KCNN3: variants seen among roughly 807,000 people sequenced by gnomAD.
KCNN3 encodes small conductance calcium-activated potassium channel protein 3.
In KCNN3, 16 loss-of-function variants were observed where a neutral mutation model predicts 62.9. The ratio of observed to expected loss-of-function variants is 0.25; its 90% CI spans 0.17 to 0.39. The LOEUF (loss-of-function observed/expected upper bound fraction) is 0.39, where lower values mean the gene tolerates loss of function less well. Among genes scored for constraint, KCNN3 ranks in the 10% least tolerant of loss-of-function variants. The probability of loss-of-function intolerance (pLI) is 1.00; values close to 1 mark genes in which losing one functional copy is unlikely to be tolerated. For missense variants in KCNN3, 599 were observed against 949.4 expected (o/e 0.63, Z 4.85); for synonymous variants, 370 against 389.2 (o/e 0.95, Z 0.58).
chr1:154,807,443 G>A (rs1008521216), intron 2 of KCNN3, among the ~76,000 whole-genome samples: 3 of 152,152 alleles, frequency 2.0e-5, no homozygotes, highest in Non-Finnish European at 4.4e-5. Context: ...CACAAAGTCG[G>A]CTTTGGGTGA....
At chr1:154,793,062 C>G (rs1287395229) in intron 2 of KCNN3, among the ~76,000 whole-genome samples, 1 of 152,186 alleles carries the variant, frequency 6.6e-6, no homozygotes, top group Non-Finnish European at 1.5e-5. Flanking sequence ...GGAATATTCT[C>G]ACCACAAACA....
chr1:154,752,407 A>G (rs1647422230), intron 3 of KCNN3, among the ~76,000 whole-genome samples: 1 of 152,042 alleles, frequency 6.6e-6, no homozygotes, highest in South Asian at 2.1e-4. Flanking sequence ...GAAGGAAGGA[A>G]GGAGTGATGT....
intron 1 of KCNN3, among the ~76,000 whole-genome samples, chr1:154,839,648 C>A (rs900968279): frequency 6.6e-6 from 1 of 152,194 alleles, no homozygotes; most frequent in Non-Finnish European, 1.5e-5. Context: ...CTCAGACCCC[C>A]GCTCAGCTCT....
At chr1:154,815,613 T>C (rs1205358405) in intron 2 of KCNN3, among the ~76,000 whole-genome samples, 1 of 152,226 alleles carries the variant, frequency 6.6e-6, no homozygotes, top group African/African-American at 2.4e-5. Flanking sequence ...TAGCACAAAG[T>C]AGTCCTACAA....
chr1:154,775,806 G>A (rs939981224), intron 2 of KCNN3, among the ~76,000 whole-genome samples: 1 of 152,172 alleles, frequency 6.6e-6, no homozygotes, highest in Admixed American at 6.5e-5. Context: ...CTGCTCAAAG[G>A]GTTCCCTCTG....
chr1:154,859,774 A>G, intron 1 of KCNN3: 5 of 1,614,178 alleles, frequency 3.1e-6, no homozygotes, highest in Non-Finnish European at 4.2e-6. Context: ...CAGGCCTGGT[A>G]TCAGCAAGCT....
intron 5 of KCNN3, among the ~76,000 whole-genome samples, chr1:154,724,918 G>A (rs141876821): frequency 4.6e-5 from 7 of 151,208 alleles, no homozygotes; most frequent in African/African-American, 1.5e-4. Flanking sequence ...GTGCAGTGGC[G>A]CGATCTCGGT....
intron 7 of KCNN3, among the ~76,000 whole-genome samples, chr1:154,709,176 T>C (rs1400933001): frequency 6.6e-6 from 1 of 152,176 alleles, no homozygotes; most frequent in Admixed American, 6.5e-5. Flanking sequence ...GGCCCCCTTG[T>C]TGGTCTGCAG....
intron 1 of KCNN3, among the ~76,000 whole-genome samples, chr1:154,832,055 C>T (rs1302211757): frequency 2.6e-5 from 4 of 152,040 alleles, no homozygotes; most frequent in Non-Finnish European, 5.9e-5. Flanking sequence ...GGCAGCCCGG[C>T]CCACCCTGCT....
chr1:154,718,921 C>T (rs1700287418), intron 5 of KCNN3, among the ~76,000 whole-genome samples: 1 of 152,152 alleles, frequency 6.6e-6, no homozygotes, highest in Admixed American at 6.5e-5. Context: ...GCTTCCTTCC[C>T]TCTAACTTCC....
chr1:154,850,979 GTTTGTTTGC>G (rs1652277597), intron 1 of KCNN3, among the ~76,000 whole-genome samples: 1 of 152,074 alleles, frequency 6.6e-6, no homozygotes, highest in East Asian at 1.9e-4. Context: ...TTGTTTGTTT[GTTTGTTTGC>G]TTTGTTTGAG....
At chr1:154,835,489 A>T (rs971397607) in intron 1 of KCNN3, among the ~76,000 whole-genome samples, 5 of 152,330 alleles carry the variant, frequency 3.3e-5, no homozygotes, top group Admixed American at 2.0e-4. Context: ...ATGGGCAGAC[A>T]TCATTCTGCT....
chr1:154,796,326 G>A (rs959657397), intron 2 of KCNN3, among the ~76,000 whole-genome samples: 2 of 152,020 alleles, frequency 1.3e-5, no homozygotes, highest in Non-Finnish European at 1.5e-5. Flanking sequence ...CCCTCCCCTG[G>A]TCTCCATAGC....
intron 2 of KCNN3, among the ~76,000 whole-genome samples, chr1:154,817,053 A>C (rs1259182277): frequency 6.6e-6 from 1 of 152,174 alleles, no homozygotes; most frequent in African/African-American, 2.4e-5. Flanking sequence ...CCAGACAAAC[A>C]CATTCTTACT....
At chr1:154,793,420 G>T (rs371777486) in intron 2 of KCNN3, among the ~76,000 whole-genome samples, 11 of 152,240 alleles carry the variant, frequency 7.2e-5, no homozygotes, top group African/African-American at 2.6e-4. Flanking sequence ...AGGGATGTCG[G>T]GGGCATGGGA....
In KCNN3 at chr1:154,707,432, T is replaced by TC. The variant is rs2101753379; in HGVS notation, c.*543_*544insG. The TC allele has an allele frequency of 6.6e-6, 1 of 151,604 alleles. No individual in the cohort carries two copies. The highest frequency in any genetic ancestry group is 1.9e-4 in the East Asian group (1 of 5,140). 9.4% of individuals were successfully genotyped at this position (151,604 alleles called of 1,614,324 possible). A position where few individuals can be genotyped will look rare whatever the true frequency, so the allele number is the denominator to read the frequency against. ...CTTTTTATTTGTCTGTGTCTTTTTTTTTTTTTTTCAGTCTGATTCGAGTAT... is the reference window on the plus strand; with the variant it reads ...CTTTTTATTTGTCTGTGTCTTTTTTTCTTTTTTTTCAGTCTGATTCGAGTAT... On this transcript the variant is annotated 3_prime_UTR_variant, in exon 8 of 8. Transcript: ENST00000271915.
At chr1:154,840,616 C>T (rs1239207311) in intron 1 of KCNN3, among the ~76,000 whole-genome samples, 4 of 152,212 alleles carry the variant, frequency 2.6e-5, no homozygotes, top group African/African-American at 4.8e-5. Context: ...CGGGACAAAA[C>T]GGCTTCTCCA....
chr1:154,815,329 T>C (rs1315938620), intron 2 of KCNN3, among the ~76,000 whole-genome samples: 2 of 152,146 alleles, frequency 1.3e-5, no homozygotes, highest in African/African-American at 2.4e-5. Context: ...CCTTCTCTTT[T>C]TTTTTCCTCT....
At chr1:154,712,962 AC>A (rs559022733) in intron 7 of KCNN3, among the ~76,000 whole-genome samples, 1 of 151,366 alleles carries the variant, frequency 6.6e-6, no homozygotes, top group Non-Finnish European at 1.5e-5. Context: ...AAAGAAATGC[AC>A]CCCCCCACAC....
Sources: allele counts gnomAD v4.1 joint callset (sites outside exome capture counted in the v4.1 genomes callset), GRCh38; gene constraint gnomAD v4.1.1; transcripts MANE v1.5; gene names NCBI Gene and HGNC (gene_info 2026-07-23, HGNC 2026-07-21).